The following EPM2A variants were observed in gnomAD, a reference collection of about 807,000 sequenced individuals.
The protein encoded by EPM2A is EPM2A glucan phosphatase, laforin.
EPM2A carries 21 observed loss-of-function variants against 26.5 expected under a neutral mutation model. That is an observed-to-expected ratio of 0.79 (90% CI 0.56 to 1.14). EPM2A has a LOEUF of 1.14. Ranked by LOEUF, EPM2A falls within the 50% of genes most tolerant of loss-of-function variation. The pLI, the probability that EPM2A is intolerant of heterozygous loss-of-function variation, is 0.00. For synonymous variants in EPM2A, 217 were observed against 177.6 expected, an observed-to-expected ratio of 1.22 and a Z score of -1.76; for missense variants, 458 against 440.8, an observed-to-expected ratio of 1.04 and a Z score of -0.35.
chr6:145,518,922 G>A (rs767571197), intron 2 of EPM2A, among the ~76,000 whole-genome samples: 63 of 143,814 alleles, frequency 4.4e-4, no homozygotes, highest in Non-Finnish European at 8.7e-4. Context: ...TGAGTTGGGA[G>A]CCAGAAAGGT....
intron 4 of EPM2A, chr6:145,490,588 C>T: frequency 1.5e-6 from 1 of 686,676 alleles, no homozygotes; most frequent in African/African-American, 1.8e-5. Flanking sequence ...AAGATGGTAA[C>T]AATTTAGGTG....
intron 2 of EPM2A, among the ~76,000 whole-genome samples, chr6:145,614,973 A>G (rs113878579): frequency 1.5e-3 from 225 of 152,386 alleles, no homozygotes; most frequent in African/African-American, 5.1e-3. Context: ...AGCACAATAA[A>G]GGGAAGCACA....
rs1310367634 is a variant in EPM2A at position 145,490,994 on chromosome 6, C to T, written c.555+11528G>A. The T allele has an allele frequency of 3.0e-5, 28 of 924,286 alleles. 1 individual carries two copies. The highest frequency in any genetic ancestry group is 4.7e-4 in the Middle Eastern group (2 of 4,300). The allele number at this position is 924,286 out of a possible 1,614,324, so 57.3% of individuals were successfully genotyped here. A position where few individuals can be genotyped will look rare whatever the true frequency, so the allele number is the denominator to read the frequency against. ...TCTAATGTTTTGATGCCTTCATCTT[C>T]ACTTCAATTGTGCCTTCAGCAATCT... On this transcript the variant is annotated intron_variant, in intron 4 of 4. Transcript: ENST00000638717.
At chr6:145,401,166 GT>G (rs577603104) in intron 4 of EPM2A, among the ~76,000 whole-genome samples, 123 of 151,700 alleles carry the variant, frequency 8.1e-4, no homozygotes, top group Non-Finnish European at 1.5e-3. Flanking sequence ...ATGAAAACGG[GT>G]AGGGGGAAAA....
chr6:145,425,657 A>G (rs1243624406), intron 4 of EPM2A, among the ~76,000 whole-genome samples: 1 of 151,622 alleles, frequency 6.6e-6, no homozygotes, highest in Non-Finnish European at 1.5e-5. Context: ...AAGAAAAACT[A>G]TATAAATCAA....
At chr6:145,443,971 G>T (rs547811927) in intron 4 of EPM2A, among the ~76,000 whole-genome samples, 2 of 152,252 alleles carry the variant, frequency 1.3e-5, no homozygotes, top group African/African-American at 4.8e-5. Flanking sequence ...GAACTGTAAG[G>T]CCAATTAAAC....
intron 2 of EPM2A, among the ~76,000 whole-genome samples, chr6:145,619,183 T>C (rs1056732687): frequency 3.3e-5 from 5 of 151,972 alleles, no homozygotes; most frequent in African/African-American, 1.2e-4. Context: ...TGGGGAATAT[T>C]GAGTTTGGGA....
intron 2 of EPM2A, among the ~76,000 whole-genome samples, chr6:145,607,386 T>C (rs542147691): frequency 9.2e-5 from 14 of 152,292 alleles, no homozygotes; most frequent in African/African-American, 3.4e-4. Flanking sequence ...GCTTGCTCCA[T>C]GAGGCTCTGC....
At chr6:145,733,662 A>G (rs555159891) in intron 1 of EPM2A, among the ~76,000 whole-genome samples, 1 of 152,322 alleles carries the variant, frequency 6.6e-6, no homozygotes, top group African/African-American at 2.4e-5. Flanking sequence ...GAAAAATAGT[A>G]ATACTCTGTA....
intron 4 of EPM2A, among the ~76,000 whole-genome samples, chr6:145,433,211 A>G (rs981878545): frequency 1.3e-5 from 2 of 152,166 alleles, no homozygotes; most frequent in African/African-American, 4.8e-5. Context: ...CTTGTCTTAC[A>G]TAACTTGGCT....
chr6:145,391,668 G>A (rs968296255), intron 4 of EPM2A, among the ~76,000 whole-genome samples: 8 of 151,994 alleles, frequency 5.3e-5, no homozygotes, highest in Admixed American at 1.3e-4. Flanking sequence ...CCATACCCCC[G>A]CTTGAGAAAT....
intron 4 of EPM2A, among the ~76,000 whole-genome samples, chr6:145,452,489 CAAAAAAAAAAAAAAAAAAA>C (rs563777945): frequency 4.0e-5 from 3 of 75,862 alleles, no homozygotes; most frequent in Non-Finnish European, 6.6e-5. Flanking sequence ...ACTAAAAATA[CAAAAAAAAAAAAAAAAAAA>C]AAAAAAAAAA....
Position 145,625,749 on chromosome 6 carries a change from C to G in EPM2A, c.*1667G>C. 9.9e-7 allele frequency: 1 copy of G among 1,007,836 alleles called. No individual in the cohort carries two copies. The highest frequency in any genetic ancestry group is 1.6e-6 in the Non-Finnish European group (1 of 629,090). 62.4% of individuals were successfully genotyped at this position (1,007,836 alleles called of 1,614,324 possible). A position where few individuals can be genotyped will look rare whatever the true frequency, so the allele number is the denominator to read the frequency against. Reference sequence around the variant, plus strand: ...CCTCTGCCCAAAGCAAATGTCATCTCCCCTAAGTGCCACAGTTCTATCTCC... The same window carrying G: ...CCTCTGCCCAAAGCAAATGTCATCTGCCCTAAGTGCCACAGTTCTATCTCC... On this transcript the variant is annotated 3_prime_UTR_variant, in exon 4 of 4. Coordinates refer to ENST00000367519, the MANE Select transcript of EPM2A (RefSeq NM_005670.4).
intron 4 of EPM2A, among the ~76,000 whole-genome samples, chr6:145,471,317 T>C (rs1024185124): frequency 2.6e-5 from 4 of 152,130 alleles, no homozygotes; most frequent in African/African-American, 9.7e-5. Context: ...TTCAAAATCA[T>C]TGGCCTCAGT....
chr6:145,467,929 A>C (rs1779420971), intron 4 of EPM2A, among the ~76,000 whole-genome samples: 1 of 151,882 alleles, frequency 6.6e-6, no homozygotes, highest in African/African-American at 2.4e-5. Context: ...TTGTGCATTA[A>C]ATTTTCCTTA....
rs568389274 is a variant in EPM2A, at chr6:145,394,129, A to G, written c.556-10032T>C. On this transcript the variant is annotated intron_variant, in intron 4 of 4. Coordinates refer to the EPM2A transcript ENST00000638717. ...TGAGCCATCATGCCCGGCCCAACTT[A>G]TGACTATTTTTAAGGCAAAGCCAGG... Among the ~76,000 whole-genome samples, 11 of 152,172 alleles carry G rather than the reference A, an allele frequency of 7.2e-5. No homozygotes were observed. In the South Asian group the frequency reaches 1.9e-3, roughly 26 times the overall value.
intron 2 of EPM2A, among the ~76,000 whole-genome samples, chr6:145,536,231 C>T (rs77573970): frequency 6.6e-6 from 1 of 151,008 alleles, no homozygotes; most frequent in East Asian, 1.9e-4. Context: ...TTGATTGTCT[C>T]CCTTCCCCAG....
intron 2 of EPM2A, among the ~76,000 whole-genome samples, chr6:145,556,214 C>T (rs929323174): frequency 6.6e-6 from 1 of 152,160 alleles, no homozygotes; most frequent in Admixed American, 6.6e-5. Flanking sequence ...CCCCAGGCCT[C>T]AAACTGTGCC....
At position 145,716,173 on chromosome 6, in the gene EPM2A, C is replaced by T. The variant is rs79586824; in HGVS notation, c.301+19025G>A. ...TCAAGTTTTGCTTTTTAGAATTTTGCGGAATTTTTTTCTGAATATTAGATT... is the reference window on the plus strand; with the variant it reads ...TCAAGTTTTGCTTTTTAGAATTTTGTGGAATTTTTTTCTGAATATTAGATT... On this transcript the variant is annotated intron_variant, in intron 1 of 3. Transcript: ENST00000367519. Among the ~76,000 whole-genome samples the T allele has an allele frequency of 1.0e-3, 156 of 152,206 alleles. 1 individual carries two copies. Among genetic ancestry groups the T allele is most frequent in the African/African-American group, 3.4e-3 (140 of 41,538 alleles).
Sources: gnomAD v4.1 joint callset for allele counts (sites outside exome capture counted in the v4.1 genomes callset) on GRCh38, gnomAD v4.1.1 for gene constraint, MANE v1.5 for transcripts, NCBI Gene and HGNC (gene_info 2026-07-23, HGNC 2026-07-21) for gene names.